The following PMS1 variants were observed in gnomAD, a reference collection of about 807,000 sequenced individuals.
The protein encoded by PMS1 is PMS1 protein homolog 1.
PMS1 carries 79 observed loss-of-function variants against 93.1 expected under a neutral mutation model. The observed-to-expected ratio is 0.85, with a 90% CI of 0.71 to 1.02. The LOEUF is 1.02. Ranked by LOEUF, PMS1 falls within the 50% of genes least tolerant of loss-of-function variation. The pLI, the probability that PMS1 is intolerant of heterozygous loss-of-function variation, is 0.00. For synonymous variants in PMS1, 335 were observed against 363.4 expected, an observed-to-expected ratio of 0.92 and a Z score of 0.89; for missense variants, 1,064 against 1,085.3, an observed-to-expected ratio of 0.98 and a Z score of 0.28.
intron 5 of PMS1, among the ~76,000 whole-genome samples, chr2:189,821,558 C>T (rs1297257042): frequency 1.3e-5 from 2 of 152,054 alleles, no homozygotes; most frequent in Non-Finnish European, 2.9e-5. Context: ...CCTGTAATCC[C>T]AGCACCTTGG....
chr2:189,805,991 C>T, intron 4 of PMS1: 1 of 1,341,564 alleles, frequency 7.5e-7, no homozygotes, highest in Non-Finnish European at 9.9e-7. Context: ...GGACTAGTTA[C>T]TCCTCTGTAA....
chr2:189,801,339 A>C (rs1295069401), intron 3 of PMS1, among the ~76,000 whole-genome samples: 1 of 152,238 alleles, frequency 6.6e-6, no homozygotes, highest in East Asian at 1.9e-4. Context: ...AATTTTGAGA[A>C]ATTTGTCATC....
intron 5 of PMS1, among the ~76,000 whole-genome samples, chr2:189,841,696 T>G (rs549628448): frequency 2.0e-5 from 3 of 152,022 alleles, no homozygotes; most frequent in Admixed American, 1.3e-4. Context: ...TCCTCTCTCT[T>G]TCTCTGTTAT....
chr2:189,839,486 CCTAT>C (rs1225595576), intron 5 of PMS1, among the ~76,000 whole-genome samples: 1 of 152,106 alleles, frequency 6.6e-6, no homozygotes, highest in Non-Finnish European at 1.5e-5. Context: ...TGATTTAGCC[CCTAT>C]CTGTCTAGTT....
At chr2:189,827,395 C>CT (rs778159657) in intron 5 of PMS1, among the ~76,000 whole-genome samples, 1 of 152,056 alleles carries the variant, frequency 6.6e-6, no homozygotes. Context: ...CTCTAAAACT[C>CT]TTTGATTTTT....
At chr2:189,860,164 T>G (rs1370938354) in intron 9 of PMS1, among the ~76,000 whole-genome samples, 1 of 152,218 alleles carries the variant, frequency 6.6e-6, no homozygotes, top group African/African-American at 2.4e-5. Context: ...TACACACACA[T>G]AAACATCACC....
chr2:189,806,458 C>A, intron 4 of PMS1: 1 of 307,412 alleles, frequency 3.3e-6, no homozygotes, highest in Non-Finnish European at 6.4e-6. Flanking sequence ...ACTGCAGTGG[C>A]ATCATCTTGG....
chr2:189,852,052 C>T (rs2054793302), intron 6 of PMS1, among the ~76,000 whole-genome samples: 1 of 152,052 alleles, frequency 6.6e-6, no homozygotes. Flanking sequence ...AGAAAGATAG[C>T]ATATAAATAT....
At chr2:189,866,499 A>G (rs2056671873) in intron 10 of PMS1, among the ~76,000 whole-genome samples, 1 of 152,210 alleles carries the variant, frequency 6.6e-6, no homozygotes, top group Admixed American at 6.5e-5. Flanking sequence ...AGTTTATCCC[A>G]CAATGCGACA....
In PMS1 at chr2:189,795,890, A is replaced by G. The variant is rs1167935664; in HGVS notation, c.254A>G (p.Glu85Gly). The G allele has an allele frequency of 6.2e-7, 1 of 1,613,806 alleles. No homozygotes were observed. The highest frequency in any genetic ancestry group is 1.1e-5 in the South Asian group (1 of 91,082). Residue 85 changes from glutamate to glycine, a missense_variant, in exon 3 of 13, where the codon GAA becomes GGA. Transcript: ENST00000441310. The stretch of plus-strand genomic sequence containing the variant: ...AAAATAAATAGTCATGAAGATCTTG[A>G]AAATTTGACAACTTACGGTTTTCGT... Reference protein sequence around the residue: ...TSKINSHEDLENLTTYGFRGE... With the variant: ...TSKINSHEDLGNLTTYGFRGE...
intron 4 of PMS1, among the ~76,000 whole-genome samples, chr2:189,816,187 C>T (rs1189127067): frequency 1.3e-5 from 2 of 152,228 alleles, no homozygotes; most frequent in Non-Finnish European, 2.9e-5. Flanking sequence ...GCAACCACCA[C>T]ACCTGGTGAA....
chr2:189,873,387 A>G (rs749680759), intron 11 of PMS1, 109 bp from the exon 12 acceptor site: 25 of 724,812 alleles, frequency 3.4e-5, no homozygotes, highest in Non-Finnish European at 4.6e-5. Context: ...TCCTGACTGT[A>G]TTAAATTTGA....
intron 4 of PMS1, chr2:189,806,305 T>C: frequency 4.1e-6 from 1 of 242,954 alleles, no homozygotes; most frequent in Non-Finnish European, 8.2e-6. Flanking sequence ...TTGAAGCAAA[T>C]ACGTATTGTT....
At chr2:189,862,366 C>T (rs1276374050) in intron 9 of PMS1, among the ~76,000 whole-genome samples, 1 of 152,044 alleles carries the variant, frequency 6.6e-6, no homozygotes, top group Admixed American at 6.6e-5. Context: ...GAGATTCCCC[C>T]TTCTATTTTC....
chr2:189,872,441 T>G (rs1395380558), intron 11 of PMS1, among the ~76,000 whole-genome samples: 1 of 152,134 alleles, frequency 6.6e-6, no homozygotes, highest in Non-Finnish European at 1.5e-5. Context: ...CTCTTTTCCT[T>G]TAATTCCAGG....
At chr2:189,850,426 T>C (rs2054596752) in intron 6 of PMS1, among the ~76,000 whole-genome samples, 1 of 152,108 alleles carries the variant, frequency 6.6e-6, no homozygotes, top group African/African-American at 2.4e-5. Context: ...TAGGATGAAA[T>C]ATTTTACCAA....
At chr2:189,875,006 A>G (rs1208551424) in intron 12 of PMS1, among the ~76,000 whole-genome samples, 1 of 151,900 alleles carries the variant, frequency 6.6e-6, no homozygotes, top group East Asian at 1.9e-4. Context: ...TAATAGTGGT[A>G]TAAGTGTTAA....
chr2:189,792,511 T>C (rs1233260), intron 2 of PMS1, among the ~76,000 whole-genome samples: 2,823 of 151,972 alleles, frequency 0.019, 87 homozygotes, highest in African/African-American at 0.064. Flanking sequence ...ATAAATCTGA[T>C]TGAATGTAAG....
At chr2:189,829,045 T>C (rs1424768887) in intron 5 of PMS1, among the ~76,000 whole-genome samples, 4 of 152,190 alleles carry the variant, frequency 2.6e-5, no homozygotes, top group Admixed American at 2.6e-4. Flanking sequence ...CCAAGAGTTT[T>C]AGTGGATTGC....
Sources: allele counts gnomAD v4.1 joint callset (sites outside exome capture counted in the v4.1 genomes callset), GRCh38; gene constraint gnomAD v4.1.1; transcripts MANE v1.5; gene names NCBI Gene and HGNC (gene_info 2026-07-23, HGNC 2026-07-21).